The following SEMA4C variants were observed in gnomAD, a reference collection of about 807,000 sequenced individuals.
The protein encoded by SEMA4C is semaphorin-4C.
A neutral mutation model predicts 89.0 loss-of-function variants in SEMA4C; 19 were observed. That is an observed-to-expected ratio of 0.21 (90% CI 0.15 to 0.31). The LOEUF (loss-of-function observed/expected upper bound fraction) is 0.31. Ranked by LOEUF, SEMA4C falls within the 10% of genes least tolerant of loss-of-function variation. SEMA4C has a pLI of 1.00. For synonymous variants in SEMA4C, 428 were observed against 472.7 expected, an observed-to-expected ratio of 0.91 and a Z score of 1.23; for missense variants, 811 against 1,107.0, an observed-to-expected ratio of 0.73 and a Z score of 3.79.
upstream of SEMA4C, chr2:96,870,192 C>G (rs2153366253): frequency 2.0e-6 from 2 of 984,754 alleles, no homozygotes; most frequent in Non-Finnish European, 2.4e-6. Flanking sequence ...CGACCCGCAG[C>G]GACCTGTGGA....
chr2:96,869,021 C>G (rs1211440642), intron 1 of SEMA4C: 1 of 985,164 alleles, frequency 1.0e-6, no homozygotes, highest in Non-Finnish European at 1.2e-6. Context: ...GTTCTCCCCT[C>G]CCCCAGCTCC....
rs746073811 is a variant in SEMA4C, at chr2:96,861,704, TG to T, written c.1601+32del. 7 of 1,606,772 alleles carry T rather than the reference TG, an allele frequency of 4.4e-6. No individual in the cohort carries two copies. The African/African-American group carries it at 9.4e-5, about 21-fold the overall frequency. Reference sequence around the variant, plus strand: ...CCTGGCTCCAACCACCCTGAGTCCCTGGAGGTCCTGGCCTATGTAGAGCCCA... The same window carrying T: ...CCTGGCTCCAACCACCCTGAGTCCCTGAGGTCCTGGCCTATGTAGAGCCCA... On this transcript the variant is annotated intron_variant, in intron 13 of 14. Transcript: ENST00000305476. The surrounding 1 kb of genome is among the most constrained non-coding windows in gnomAD (Gnocchi z 7.8).
At chr2:96,870,090 G>A, upstream of SEMA4C, 2 of 970,538 alleles carry the variant, frequency 2.1e-6, no homozygotes, top group Non-Finnish European at 2.5e-6. Context: ...CAGCGCGGCC[G>A]CGGCTCTCCG....
At chr2:96,870,497 G>C (rs2080178255), upstream of SEMA4C, 1 of 971,002 alleles carries the variant, frequency 1.0e-6, no homozygotes, top group Non-Finnish European at 1.2e-6. Flanking sequence ...GTATCCAGGG[G>C]AGGCACGCTG....
At chr2:96,870,104 C>T, upstream of SEMA4C, 1 of 970,962 alleles carries the variant, frequency 1.0e-6, no homozygotes, top group Non-Finnish European at 1.2e-6. Context: ...CTCTCCGCCC[C>T]CTTCCCCTTG....
chr2:96,869,293 G>A (rs2080154011), intron 1 of SEMA4C: 4 of 985,270 alleles, frequency 4.1e-6, no homozygotes, highest in Non-Finnish European at 4.8e-6. Flanking sequence ...CGGGAGGAGG[G>A]GTTGGGGGGA....
chr2:96,863,591 G>T, intron 12 of SEMA4C, 91 bp downstream of exon 12: 1 of 1,368,536 alleles, frequency 7.3e-7, no homozygotes, highest in Non-Finnish European at 1.0e-6. Context: ...CACTGGCCAA[G>T]CACATAGGCC....
Position 96,863,672 on chromosome 2 carries a change from A to C in SEMA4C, c.1443+10T>G. 6.2e-7 allele frequency: 1 copy of C among 1,610,904 alleles called. No individual in the cohort carries two copies. Among genetic ancestry groups the C allele is most frequent in the Non-Finnish European group, 8.5e-7 (1 of 1,177,124 alleles). On this transcript the variant is annotated intron_variant, in intron 12 of 14. Coordinates refer to ENST00000305476, the MANE Select transcript of SEMA4C (RefSeq NM_017789.5). ...CTGGGGACAGTGGCAGATAGGGCCCAACTTACTACCTTGCTCTGAGATAGC... is the reference window on the plus strand; with the variant it reads ...CTGGGGACAGTGGCAGATAGGGCCCCACTTACTACCTTGCTCTGAGATAGC...
intron 1 of SEMA4C, 99 bp downstream of exon 1, chr2:96,869,777 G>A (rs1378729403): frequency 2.0e-6 from 2 of 985,276 alleles, no homozygotes; most frequent in African/African-American, 3.5e-5. Context: ...CCCAGCCCCT[G>A]TCCCTCCCGC....
Position 96,861,212 on chromosome 2 carries a change from T to A in SEMA4C, c.1916A>T (p.Glu639Val). 6.2e-7 allele frequency: 1 copy of A among 1,610,484 alleles called. No homozygotes were observed. The highest frequency in any genetic ancestry group is 1.3e-5 in the African/African-American group (1 of 75,026). The stretch of plus-strand genomic sequence containing the variant: ...TGCCACGACAGCCACAAGGTAGCCT[T>A]CAGCAGCCAGCCGCGCCCCCTGCTC... ...SEEQGARLAA[E>V]GYLVAVVAGP... The change falls in exon 15 of 15, where the codon GAA becomes GTA. Residue 639 changes from glutamate (E) to valine (V), a missense_variant. Physicochemically the swap from Glu to Val is moderately radical, Grantham distance 121. Coordinates refer to ENST00000305476, the MANE Select transcript of SEMA4C (RefSeq NM_017789.5). This position sits in a 1 kb window ranked among gnomAD's most constrained non-coding sequence, Gnocchi z 7.8.
chr2:96,864,996 G>C lies in SEMA4C; in HGVS notation c.754C>G (p.Gln252Glu). The part of the protein sequence containing the change: ...RAVESDCYAE[Q>E]VVARVARVCK... ...ACACGGGCCACACGAGCCACCACCT[G>C]CTCGGCATAGCAGTCGGACTCCACT... Residue 252 changes from glutamine to glutamate, a missense_variant, in exon 8 of 15, where the codon CAG becomes GAG. Gln to Glu is a conservative substitution (Grantham distance 29). Around this residue, in one of 4 missense-constraint regions of SEMA4C, gnomAD observed 441 missense variants for 664.9 expected, o/e 0.66. Coordinates refer to ENST00000305476, the MANE Select transcript of SEMA4C (RefSeq NM_017789.5). This position sits in a 1 kb window ranked among gnomAD's most constrained non-coding sequence, Gnocchi z 6.3. 6.4e-7 allele frequency: 1 copy of C among 1,565,874 alleles called. No individual in the cohort carries two copies. Among genetic ancestry groups the C allele is most frequent in the Non-Finnish European group, 8.7e-7 (1 of 1,155,348 alleles).
upstream of SEMA4C, chr2:96,870,342 G>A: frequency 1.0e-6 from 1 of 984,136 alleles, no homozygotes; most frequent in African/African-American, 1.7e-5. Context: ...GGCGGGGGAG[G>A]GACTCCGGGT....
In SEMA4C at chr2:96,869,898, C is replaced by T; in HGVS notation, c.-60G>A. 1 of 986,124 alleles carries T rather than the reference C, an allele frequency of 1.0e-6. No homozygotes were observed. The highest frequency in any genetic ancestry group is 1.2e-6 in the Non-Finnish European group (1 of 830,110). The allele number at this position is 986,124 out of a possible 1,614,324, so 61.1% of individuals were successfully genotyped here. On this transcript the variant is annotated 5_prime_UTR_variant, in exon 1 of 15. Transcript: ENST00000305476. ...CACCTATTGCGCGCAGCTCCAGTCC[C>T]CGGGCGCCGCCCTCGCGTTCGGCTC...
chr2:96,866,789 C>A, intron 2 of SEMA4C: 1 of 398,384 alleles, frequency 2.5e-6, no homozygotes, highest in South Asian at 2.0e-5. Context: ...TCGGCGGCTG[C>A]TTCCTTCTTT....
intron 12 of SEMA4C, chr2:96,863,456 G>A (rs748940139): frequency 9.2e-5 from 121 of 1,320,340 alleles, no homozygotes; most frequent in East Asian, 6.0e-5. Context: ...GCGCAGCCCC[G>A]TGACCTGGCT....
Position 96,861,713 on chromosome 2 carries a change from T to G in SEMA4C, c.1601+24A>C. On this transcript the variant is annotated intron_variant, in intron 13 of 14. Transcript: ENST00000305476. The surrounding 1 kb of genome is among the most constrained non-coding windows in gnomAD (Gnocchi z 7.8). ...AACCACCCTGAGTCCCTGGAGGTCC[T>G]GGCCTATGTAGAGCCCAACTCACCC... 3 of 1,610,100 alleles carry G rather than the reference T, an allele frequency of 1.9e-6. No homozygotes were observed. Among genetic ancestry groups the G allele is most frequent in the South Asian group, 2.2e-5 (2 of 90,898 alleles).
chr2:96,868,841 A>G, intron 1 of SEMA4C: 1 of 985,262 alleles, frequency 1.0e-6, no homozygotes, highest in Non-Finnish European at 1.2e-6. Context: ...ACTCTGACGA[A>G]CCTTCCCAAC....
chr2:96,867,661 C>A, intron 2 of SEMA4C, 117 bp downstream of exon 2: 1 of 1,108,066 alleles, frequency 9.0e-7, no homozygotes, highest in Non-Finnish European at 1.4e-6. Context: ...GCCCGTTCTT[C>A]CAACTCGAGT....
chr2:96,870,485 G>C (rs1443635523), upstream of SEMA4C: 2 of 958,970 alleles, frequency 2.1e-6, no homozygotes, highest in African/African-American at 1.8e-5. Flanking sequence ...ACGTCGAGGC[G>C]AGTATCCAGG....
Sources: gnomAD v4.1 joint callset for allele counts on GRCh38, gnomAD v4.1.1 for gene constraint, gnomAD v4.1.1 regional missense constraint, Gnocchi (gnomAD v3.1) non-coding constraint, MANE v1.5 for transcripts, NCBI Gene and HGNC (gene_info 2026-07-23, HGNC 2026-07-21) for gene names.